The following MBTPS2 variants were observed in gnomAD, a reference collection of about 807,000 sequenced individuals.
MBTPS2 encodes membrane bound transcription factor peptidase, site 2, also known as membrane-bound transcription factor site-2 protease.
Under a neutral mutation model 35.4 loss-of-function variants are expected in MBTPS2, and 2 were observed. The observed-to-expected ratio is 0.06, with a 90% CI of 0.02 to 0.18. The LOEUF is 0.18. Ranked by LOEUF, MBTPS2 falls within the 10% of genes least tolerant of loss-of-function variation. MBTPS2 has a pLI of 1.00. For missense variants in MBTPS2, 244 were observed against 386.5 expected (o/e 0.63, Z 3.09); for synonymous variants, 125 against 140.4 (o/e 0.89, Z 0.77).
At position 21,869,694 on chromosome X, in the gene MBTPS2, C is replaced by T. The variant is rs1487467344; in HGVS notation, c.970+16C>T. 5 of 1,138,682 alleles carry T rather than the reference C, an allele frequency of 4.4e-6. No homozygotes were observed. In the East Asian group the frequency reaches 1.5e-4, roughly 34 times the overall value. 93.8% of individuals were successfully genotyped at this position (1,138,682 alleles called of 1,213,427 possible). The stretch of plus-strand genomic sequence containing the variant: ...CCAGTTAGAGGTGTGTATATTTCCT[C>T]AATATAATATAATGCTTCAAGCACC... On this transcript the variant is annotated intron_variant, in intron 7 of 10. Coordinates refer to ENST00000379484, the MANE Select transcript of MBTPS2 (RefSeq NM_015884.4).
intron 9 of MBTPS2, among the ~76,000 whole-genome samples, chrX:21,879,222 A>G (rs1444265923): frequency 8.9e-6 from 1 of 111,954 alleles, no homozygotes; most frequent in Admixed American, 9.5e-5. Context: ...TTTTTAAAAT[A>G]GTTTACCATG....
At chrX:21,866,479 A>G (rs948482533) in intron 5 of MBTPS2, among the ~76,000 whole-genome samples, 1 of 111,807 alleles carries the variant, frequency 8.9e-6, no homozygotes, top group African/African-American at 3.2e-5. Context: ...ACAAAAATAA[A>G]TGTAGTATTC....
Position 21,845,353 on chromosome X carries a change from C to T in MBTPS2, c.407C>T (p.Ser136Leu), listed in dbSNP as rs770841608. Residue 136 changes from serine (S) to leucine (L), a missense_variant, in exon 3 of 11, where the codon TCG becomes TTG. By Grantham distance (145) the Ser-to-Leu change is moderately radical. Coordinates refer to ENST00000379484, the MANE Select transcript of MBTPS2 (RefSeq NM_015884.4). Reference sequence around the variant, plus strand: ...TCTTCTTCATCTTCTTCCTCTTCCTCGCTTCACAATGAACAGGTGTTACAA... The same window carrying T: ...TCTTCTTCATCTTCTTCCTCTTCCTTGCTTCACAATGAACAGGTGTTACAA... ...SSSSSSSSSS[S>L]LHNEQVLQVV... 4.2e-6 allele frequency: 5 copies of T among 1,204,271 alleles called. No homozygotes were observed. Among genetic ancestry groups the T allele is most frequent in the Admixed American group, 4.4e-5 (2 of 45,712 alleles).
chrX:21,867,856 G>A, intron 5 of MBTPS2, among the ~76,000 whole-genome samples: 1 of 110,965 alleles, frequency 9.0e-6, no homozygotes. Context: ...GGCCAAGCTG[G>A]TGTTGATCTC....
intron 3 of MBTPS2, among the ~76,000 whole-genome samples, chrX:21,848,811 C>A (rs1236136573): frequency 8.9e-6 from 1 of 112,163 alleles, no homozygotes; most frequent in African/African-American, 3.2e-5. Flanking sequence ...TTGTTTGAAT[C>A]TTCAGTTACT....
At position 21,851,865 on chromosome X, in the gene MBTPS2, A is replaced by G. The variant is rs2071210; in HGVS notation, c.542+253A>G. Among the ~76,000 whole-genome samples the G allele has an allele frequency of 0.23, 25,163 of 110,748 alleles. 2,201 individuals are homozygous for G. Among genetic ancestry groups the G allele is most frequent in the Non-Finnish European group, 0.25 (13,132 of 52,882 alleles). ...GGTCTTTCTATCCTTTGCCTTTTCC[A>G]GTGTGGTTATCCTCATGATGCCTCA... is the stretch of plus-strand genomic sequence containing the variant. On this transcript the variant is annotated intron_variant, in intron 4 of 10. Transcript: ENST00000379484.
intron 5 of MBTPS2, among the ~76,000 whole-genome samples, chrX:21,864,700 G>T (rs1375429863): frequency 9.1e-6 from 1 of 109,857 alleles, no homozygotes; most frequent in Admixed American, 9.7e-5. Context: ...GTGCATGCCT[G>T]TGGTCCCAGC....
At chrX:21,840,164 C>A (rs931294353) in intron 1 of MBTPS2, among the ~76,000 whole-genome samples, 2 of 112,511 alleles carry the variant, frequency 1.8e-5, no homozygotes, top group Non-Finnish European at 3.8e-5. Context: ...AGTGCTTTCC[C>A]TTATTGTTTT....
chrX:21,843,469 G>T, intron 2 of MBTPS2, 151 bp downstream of exon 2: 1 of 585,226 alleles, frequency 1.7e-6, no homozygotes, highest in Non-Finnish European at 2.7e-6. Flanking sequence ...ATAACCTTAT[G>T]GGATTGTATC....
At chrX:21,880,046 C>T (rs2092957669) in intron 9 of MBTPS2, among the ~76,000 whole-genome samples, 1 of 102,052 alleles carries the variant, frequency 9.8e-6, no homozygotes, top group Non-Finnish European at 2.0e-5. Flanking sequence ...CTCTGCCTCC[C>T]GGGTTCAAGC....
At chrX:21,880,699 C>T (rs749226458) in intron 9 of MBTPS2, among the ~76,000 whole-genome samples, 198 bp from the exon 10 acceptor site, 14 of 111,682 alleles carry the variant, frequency 1.3e-4, no homozygotes, top group African/African-American at 4.5e-4. Flanking sequence ...CGTATTTTTT[C>T]ATTCTGCTGT....
In MBTPS2 at chrX:21,885,296, T is replaced by C. The variant is rs2092963559; in HGVS notation, c.*2641T>C. 1.3e-6 allele frequency: 1 copy of C among 750,567 alleles called. No individual in the cohort carries two copies. Among genetic ancestry groups the C allele is most frequent in the African/African-American group, 2.3e-5 (1 of 43,225 alleles). The allele number at this position is 750,567 out of a possible 1,213,427, so 61.9% of individuals were successfully genotyped here. ...TGTTCACATACTAATGGTGCACAGG[T>C]GTTTTTTTCTATAAATCTTCTGACT... On this transcript the variant is annotated 3_prime_UTR_variant, in exon 11 of 11. Transcript: ENST00000379484.
chrX:21,851,516 G>C lies in MBTPS2; in HGVS notation c.446G>C (p.Gly149Ala). 8.4e-7 allele frequency: 1 copy of C among 1,195,377 alleles called. No homozygotes were observed. Among genetic ancestry groups the C allele is most frequent in the Non-Finnish European group, 1.1e-6 (1 of 880,987 alleles). The change falls in exon 4 of 11, where the codon GGT becomes GCT. Residue 149 changes from glycine to alanine, a missense_variant. Coordinates refer to ENST00000379484, the MANE Select transcript of MBTPS2 (RefSeq NM_015884.4). ...NEQVLQVVVP[G>A]INLPVNQLTY... ...TATTGTGTCTATGAACAGGTTCCTG[G>C]TATAAATTTACCCGTCAATCAACTG...
intron 5 of MBTPS2, among the ~76,000 whole-genome samples, chrX:21,867,878 A>T (rs2092942386): frequency 9.2e-6 from 1 of 109,037 alleles, no homozygotes; most frequent in African/African-American, 3.4e-5. Flanking sequence ...TGACCTCGTG[A>T]TCCGCCCGCC....
At chrX:21,849,886 C>T (rs918687507) in intron 3 of MBTPS2, among the ~76,000 whole-genome samples, 3 of 106,301 alleles carry the variant, frequency 2.8e-5, no homozygotes, top group Non-Finnish European at 5.8e-5. Context: ...ATTAGCCGGG[C>T]GTGGTGGCGG....
rs763669905 is a variant in MBTPS2 at position 21,862,562 on chromosome X, C to G, written c.671-5905C>G. Among the ~76,000 whole-genome samples the G allele has an allele frequency of 1.6e-4, 18 of 109,208 alleles. No homozygotes were observed. In the Admixed American group the frequency reaches 1.7e-3, roughly 10 times the overall value. The allele number at this position is 109,208 out of a possible 115,157, so 94.8% of individuals were successfully genotyped here. ...GGCTCACGTGAGCCTGTAATCCCAG[C>G]ACTTTGGGAGGCCGAGGCGGGCGGA... On this transcript the variant is annotated intron_variant, in intron 5 of 10. Transcript: ENST00000379484.
chrX:21,885,169 C>T lies in MBTPS2; in HGVS notation c.*2514C>T. 1 of 753,343 alleles carries T rather than the reference C, an allele frequency of 1.3e-6. No homozygotes were observed. Among genetic ancestry groups the T allele is most frequent in the Non-Finnish European group, 1.6e-6 (1 of 638,646 alleles). The allele number at this position is 753,343 out of a possible 1,213,427, so 62.1% of individuals were successfully genotyped here. A position where few individuals can be genotyped will look rare whatever the true frequency, so the allele number is the denominator to read the frequency against. On this transcript the variant is annotated 3_prime_UTR_variant, in exon 11 of 11. Transcript: ENST00000379484. ...CAGTTAAACTTGACCTTTTGATAAT[C>T]GCTCTTACAGGTCATTGTCTGTTCT...
rs2092960906 is a variant in MBTPS2 at position 21,882,891 on chromosome X, C to T, written c.*236C>T. 9.6e-7 allele frequency: 1 copy of T among 1,043,582 alleles called. No homozygotes were observed. Among genetic ancestry groups the T allele is most frequent in the Non-Finnish European group, 1.2e-6 (1 of 814,735 alleles). 86.0% of individuals were successfully genotyped at this position (1,043,582 alleles called of 1,213,427 possible). A position where few individuals can be genotyped will look rare whatever the true frequency, so the allele number is the denominator to read the frequency against. On this transcript the variant is annotated 3_prime_UTR_variant, in exon 11 of 11. Coordinates refer to ENST00000379484, the MANE Select transcript of MBTPS2 (RefSeq NM_015884.4). Reference sequence around the variant, plus strand: ...ATATTCTAATTTAGGACTGAATGTACCCAGATGCTTGTGGAATAATATCTA... The same window carrying T: ...ATATTCTAATTTAGGACTGAATGTATCCAGATGCTTGTGGAATAATATCTA...
chrX:21,871,374 G>A (rs2092947169), intron 7 of MBTPS2: 1 of 111,495 alleles, frequency 9.0e-6, no homozygotes, highest in Non-Finnish European at 1.9e-5. Context: ...ATATTTTCTA[G>A]TATAAACGAG....
Sources: gnomAD v4.1 joint callset for allele counts (sites outside exome capture counted in the v4.1 genomes callset) on GRCh38, gnomAD v4.1.1 for gene constraint, MANE v1.5 for transcripts, NCBI Gene and HGNC (gene_info 2026-07-23, HGNC 2026-07-21) for gene names.